ARID3B: variants seen among roughly 807,000 people sequenced by gnomAD.
ARID3B encodes the protein AT-rich interactive domain-containing protein 3B.
Under a neutral mutation model 51.9 loss-of-function variants are expected in ARID3B, and 10 were observed. The observed-to-expected ratio is 0.19, with a 90% CI of 0.12 to 0.33. The LOEUF (loss-of-function observed/expected upper bound fraction) is 0.33. Ranked by LOEUF, ARID3B falls within the 10% of genes least tolerant of loss-of-function variation. The probability of loss-of-function intolerance (pLI) is 1.00; values close to 1 mark genes in which losing one functional copy is unlikely to be tolerated. For missense variants in ARID3B, 483 were observed against 716.3 expected, an observed-to-expected ratio of 0.67 and a Z score of 3.72; for synonymous variants, 205 against 279.5, an observed-to-expected ratio of 0.73 and a Z score of 2.66.
At chr15:74,545,863 G>C (rs1415369231) in intron 2 of ARID3B, among the ~76,000 whole-genome samples, 1 of 152,188 alleles carries the variant, frequency 6.6e-6, no homozygotes, top group Non-Finnish European at 1.5e-5. Context: ...TGATCTTTTA[G>C]TAGGGCTCTG....
intron 2 of ARID3B, among the ~76,000 whole-genome samples, chr15:74,563,321 T>C (rs1017324713): frequency 2.0e-5 from 3 of 152,222 alleles, no homozygotes; most frequent in Non-Finnish European, 4.4e-5. Flanking sequence ...AATCTGTGAA[T>C]GCAGCTGACT....
intron 1 of ARID3B, among the ~76,000 whole-genome samples, chr15:74,542,097 A>G (rs931849088): frequency 3.9e-5 from 6 of 152,254 alleles, no homozygotes; most frequent in African/African-American, 1.4e-4. Flanking sequence ...GTGCCACAAG[A>G]CAAGAAGCAG....
chr15:74,557,816 ACT>A, intron 2 of ARID3B, among the ~76,000 whole-genome samples: 1 of 130,544 alleles, frequency 7.7e-6, no homozygotes, highest in Admixed American at 8.0e-5. Flanking sequence ...GTTTCGACTT[ACT>A]TTTTTTTTTT....
intron 2 of ARID3B, among the ~76,000 whole-genome samples, chr15:74,568,824 A>G (rs2061709167): frequency 6.6e-6 from 1 of 152,202 alleles, no homozygotes; most frequent in South Asian, 2.1e-4. Flanking sequence ...TTGACTTCCC[A>G]CACACGTTTC....
intron 4 of ARID3B, among the ~76,000 whole-genome samples, chr15:74,585,277 CCT>C (rs564445691): frequency 9.2e-5 from 14 of 152,216 alleles, no homozygotes; most frequent in Admixed American, 9.2e-4. Context: ...TGGACAGAGG[CCT>C]CTCTCTCTCA....
intron 2 of ARID3B, among the ~76,000 whole-genome samples, chr15:74,564,007 G>C (rs546399536): frequency 9.2e-5 from 14 of 152,252 alleles, no homozygotes; most frequent in Non-Finnish European, 1.8e-4. Flanking sequence ...TCTTTTCCAA[G>C]CCACTGAGTT....
chr15:74,550,586 G>T (rs1232484849), intron 2 of ARID3B, among the ~76,000 whole-genome samples: 1 of 151,768 alleles, frequency 6.6e-6, no homozygotes, highest in Admixed American at 6.6e-5. Flanking sequence ...GGCGCCTGCG[G>T]TCCCAAGCTA....
intron 4 of ARID3B, among the ~76,000 whole-genome samples, chr15:74,579,872 T>TGCGCGC (rs1308828023): frequency 5.4e-4 from 64 of 118,976 alleles, no homozygotes; most frequent in African/African-American, 1.9e-3. Flanking sequence ...TGTGTGTGTG[T>TGCGCGC]GCGCGCGCGC....
intron 4 of ARID3B, among the ~76,000 whole-genome samples, chr15:74,588,270 C>A (rs1308142825): frequency 1.1e-4 from 16 of 151,680 alleles, no homozygotes; most frequent in African/African-American, 3.9e-4. Flanking sequence ...GAGGCCTGGT[C>A]CTGCCGCAGC....
rs1158266495 is a variant in ARID3B, at chr15:74,597,969, A to G, written c.*2195A>G. The G allele has an allele frequency of 1.9e-6, 1 of 531,614 alleles. No individual in the cohort carries two copies. The highest frequency in any genetic ancestry group is 1.9e-5 in the African/African-American group (1 of 53,624). 32.9% of individuals were successfully genotyped at this position (531,614 alleles called of 1,614,324 possible). On this transcript the variant is annotated 3_prime_UTR_variant, in exon 9 of 9. Coordinates refer to ENST00000346246, the MANE Select transcript of ARID3B (RefSeq NM_006465.4). ...TGTCCCCTCCTGCTCTCCATCTTATATGTATTCTAACCAGGAAAAATGTGA... is the reference window on the plus strand; with the variant it reads ...TGTCCCCTCCTGCTCTCCATCTTATGTGTATTCTAACCAGGAAAAATGTGA...
rs2061603848 is a variant in ARID3B, at chr15:74,543,887, G to A, written c.-50G>A. 2 of 1,561,676 alleles carry A rather than the reference G, an allele frequency of 1.3e-6. No homozygotes were observed. Among genetic ancestry groups the A allele is most frequent in the Admixed American group, 1.9e-5 (1 of 53,622 alleles). On this transcript the variant is annotated 5_prime_UTR_variant, in exon 2 of 9. In the 5' UTR this introduces an upstream ATG that the reference lacks. Transcript: ENST00000346246. ...TTAGACCCAGTGTGCCTGGTGGGCT[G>A]TGCCCAGGTTCAGAGTCATGCCACT...
rs550605616 is a variant in ARID3B at position 74,597,494 on chromosome 15, C to A, written c.*1720C>A. ...TCTCTCAGCCCTCCACACACACTCA[C>A]CCCCACTCCCACACACATACACACA... is the stretch of plus-strand genomic sequence containing the variant. On this transcript the variant is annotated 3_prime_UTR_variant, in exon 9 of 9. Transcript: ENST00000346246. 5.6e-6 allele frequency: 3 copies of A among 534,410 alleles called. No homozygotes were observed. The highest frequency in any genetic ancestry group is 1.1e-5 in the Non-Finnish European group (3 of 276,440). 33.1% of individuals were successfully genotyped at this position (534,410 alleles called of 1,614,324 possible).
intron 4 of ARID3B, among the ~76,000 whole-genome samples, chr15:74,578,155 CCTGT>C (rs1052040043): frequency 7.2e-6 from 1 of 138,308 alleles, no homozygotes; most frequent in South Asian, 2.4e-4. Context: ...CCGCACCTGG[CCTGT>C]CTTTTTTTTG....
At chr15:74,579,878 C>CGT (rs1356442441) in intron 4 of ARID3B, among the ~76,000 whole-genome samples, 55 of 126,058 alleles carry the variant, frequency 4.4e-4, no homozygotes, top group Non-Finnish European at 8.5e-4. Context: ...TGTGTGCGCG[C>CGT]GCGCGCACAC....
In ARID3B at chr15:74,591,514, G is replaced by A. The variant is rs745571368; in HGVS notation, c.1166-46G>A. ...CTGTGTTCAAGACTGGGGTTTTGGG[G>A]CAAGAGGGTCAATTGTGGATTGGTC... On this transcript the variant is annotated intron_variant, in intron 6 of 8. Transcript: ENST00000346246. This position sits in a 1 kb window ranked among gnomAD's most constrained non-coding sequence, Gnocchi z 5.8. The A allele has an allele frequency of 1.9e-6, 3 of 1,595,820 alleles. No homozygotes were observed. The highest frequency in any genetic ancestry group is 1.1e-5 in the South Asian group (1 of 89,458).
rs996259374 is a variant in ARID3B, at chr15:74,543,754, G to A, written c.-77-106G>A. On this transcript the variant is annotated intron_variant, in intron 1 of 8. Coordinates refer to ENST00000346246, the MANE Select transcript of ARID3B (RefSeq NM_006465.4). ...TCAGGTTTAGGAGCATATGTTTAGC[G>A]TTCGGAACTCATGGCCCTCTACTGG... The A allele has an allele frequency of 8.7e-6, 6 of 693,600 alleles. No individual in the cohort carries two copies. In the African/African-American group the frequency reaches 9.0e-5, roughly 10 times the overall value. 43.0% of individuals were successfully genotyped at this position (693,600 alleles called of 1,614,324 possible).
Position 74,570,462 on chromosome 15 carries a change from C to CAAAAAAA in ARID3B, c.553-2371_553-2365dup, listed in dbSNP as rs71137395. 4.8e-4 allele frequency among the ~76,000 whole-genome samples: 31 copies of CAAAAAAA among 64,614 alleles called. 6 individuals are homozygous for CAAAAAAA. The highest frequency in any genetic ancestry group is 7.9e-4 in the Non-Finnish European group (24 of 30,484). 42.4% of individuals were successfully genotyped at this position (64,614 alleles called of 152,430 possible). A position where few individuals can be genotyped will look rare whatever the true frequency, so the allele number is the denominator to read the frequency against. On this transcript the variant is annotated intron_variant, in intron 2 of 8. Coordinates refer to ENST00000346246, the MANE Select transcript of ARID3B (RefSeq NM_006465.4). Reference sequence around the variant, plus strand: ...AGTGCTTGGAAGTTACTATAATTAGCAAAAAAAAAAAAAAAAAAAAAAAAA... The same window carrying CAAAAAAA: ...AGTGCTTGGAAGTTACTATAATTAGCAAAAAAAAAAAAAAAAAAAAAAAAAAAAAAAA...
intron 1 of ARID3B, among the ~76,000 whole-genome samples, chr15:74,543,112 C>G (rs1200132474): frequency 6.6e-6 from 1 of 152,184 alleles, no homozygotes; most frequent in African/African-American, 2.4e-5. Flanking sequence ...TTTAAAATCT[C>G]CAGAGGAATT....
chr15:74,579,872 T>TGTGTGTGTGTGTGTGC (rs1488209764), intron 4 of ARID3B, among the ~76,000 whole-genome samples: 11 of 118,936 alleles, frequency 9.2e-5, no homozygotes, highest in East Asian at 7.5e-4. Context: ...TGTGTGTGTG[T>TGTGTGTGTGTGTGTGC]GCGCGCGCGC....
Sources: allele counts gnomAD v4.1 joint callset (sites outside exome capture counted in the v4.1 genomes callset), GRCh38; gene constraint gnomAD v4.1.1; non-coding constraint Gnocchi (gnomAD v3.1); transcripts MANE v1.5; gene names NCBI Gene and HGNC (gene_info 2026-07-23, HGNC 2026-07-21).